Variants in BCAS3 observed in about 807,000 individuals in gnomAD.
The protein encoded by BCAS3 is BCAS4/BCAS3 fusion.
In BCAS3, 53 loss-of-function variants were observed where a neutral mutation model predicts 116.1. The observed-to-expected ratio is 0.46, with a 90% CI of 0.37 to 0.57. The LOEUF is 0.57. Ranked by LOEUF, BCAS3 falls within the 20% of genes least tolerant of loss-of-function variation. The probability of loss-of-function intolerance (pLI) is 0.00; values close to 1 mark genes in which losing one functional copy is unlikely to be tolerated. For synonymous variants in BCAS3, 391 were observed against 408.2 expected, an observed-to-expected ratio of 0.96 and a Z score of 0.51; for missense variants, 917 against 1,165.4, an observed-to-expected ratio of 0.79 and a Z score of 3.10.
chr17:60,927,551 G>T (rs1162776742), intron 13 of BCAS3, among the ~76,000 whole-genome samples: 1 of 152,000 alleles, frequency 6.6e-6, no homozygotes, highest in Non-Finnish European at 1.5e-5. Context: ...CACCACCCCT[G>T]GTCCTTTCCT....
chr17:61,202,855 T>A (rs1383669720), intron 22 of BCAS3, among the ~76,000 whole-genome samples: 3 of 152,164 alleles, frequency 2.0e-5, no homozygotes, highest in Non-Finnish European at 4.4e-5. Context: ...AGCCTAAATA[T>A]CTCATAGATT....
At chr17:61,370,407 T>A (rs2058986202) in intron 23 of BCAS3, among the ~76,000 whole-genome samples, 1 of 151,024 alleles carries the variant, frequency 6.6e-6, no homozygotes, top group African/African-American at 2.5e-5. Flanking sequence ...TGTTTTTTTT[T>A]AAGGCGGAGT....
chr17:61,241,301 G>T lies in BCAS3; in HGVS notation c.2426-127026G>T, dbSNP rs4968542. ...AGCCTGTTTACCACCAAGTACCCAC[G>T]TCTTCCTTTGGCTCTGTTGTCCTCT... is the stretch of plus-strand genomic sequence containing the variant. On this transcript the variant is annotated intron_variant, in intron 22 of 23. Coordinates refer to ENST00000407086, the MANE Select transcript of BCAS3 (RefSeq NM_017679.5). The surrounding 1 kb of genome is among the most constrained non-coding windows in gnomAD (Gnocchi z 4.6). Among the ~76,000 whole-genome samples, 5,635 of 152,050 alleles carry T rather than the reference G, an allele frequency of 0.037. 197 individuals are homozygous for T. Among genetic ancestry groups the T allele is most frequent in the Admixed American group, 0.096 (1,466 of 15,250 alleles).
intron 19 of BCAS3, among the ~76,000 whole-genome samples, chr17:61,058,076 G>A (rs760746984): frequency 2.6e-5 from 4 of 152,004 alleles, no homozygotes; most frequent in Non-Finnish European, 4.4e-5. Flanking sequence ...CTTTGATAGT[G>A]TATAAGCTCT....
intron 6 of BCAS3, among the ~76,000 whole-genome samples, chr17:60,799,520 GTTTGTTTTTTT>G (rs1187175677): frequency 2.6e-5 from 3 of 117,644 alleles, no homozygotes; most frequent in African/African-American, 7.4e-5. Flanking sequence ...TGAGATTAGT[GTTTGTTTTTTT>G]TTTTTTTTTT....
Position 60,830,850 on chromosome 17 carries a change from G to T in BCAS3, c.476+22774G>T, listed in dbSNP as rs1033081844. Among the ~76,000 whole-genome samples the T allele has an allele frequency of 2.5e-3, 346 of 139,596 alleles. 5 individuals carry two copies. The highest frequency in any genetic ancestry group is 2.7e-3 in the East Asian group (13 of 4,820). 91.6% of individuals were successfully genotyped at this position (139,596 alleles called of 152,430 possible). On this transcript the variant is annotated intron_variant, in intron 7 of 23. Transcript: ENST00000407086. ...TCTAGAGCCAAGATTTAATTTTTGGGTTTTTTTTTTTTTTTAAATAAACAT... is the reference window on the plus strand; with the variant it reads ...TCTAGAGCCAAGATTTAATTTTTGGTTTTTTTTTTTTTTTTAAATAAACAT...
intron 6 of BCAS3, among the ~76,000 whole-genome samples, chr17:60,779,934 G>A (rs544693981): frequency 1.3e-5 from 2 of 151,942 alleles, no homozygotes; most frequent in Admixed American, 1.3e-4. Flanking sequence ...GGAGCTTGGT[G>A]TCTATTGCAA....
intron 6 of BCAS3, among the ~76,000 whole-genome samples, chr17:60,787,852 A>G (rs953868951): frequency 2.0e-5 from 3 of 151,930 alleles, no homozygotes; most frequent in Non-Finnish European, 2.9e-5. Flanking sequence ...GTGTGGGGAA[A>G]TGTTAAGGAG....
intron 22 of BCAS3, among the ~76,000 whole-genome samples, chr17:61,123,048 T>C (rs536237524): frequency 1.3e-5 from 2 of 151,794 alleles, no homozygotes; most frequent in East Asian, 3.9e-4. Flanking sequence ...TTTAAGTGAT[T>C]CTCCTGCTTC....
rs561326271 is a variant in BCAS3, at chr17:61,235,743, A to G, written c.2426-132584A>G. On this transcript the variant is annotated intron_variant, in intron 22 of 23. Coordinates refer to ENST00000407086, the MANE Select transcript of BCAS3 (RefSeq NM_017679.5). This position sits in a 1 kb window ranked among gnomAD's most constrained non-coding sequence, Gnocchi z 5.0. Reference sequence around the variant, plus strand: ...GAAGAAGGAGAAAGAAAGACAAGGGAAAAAAATGGTTAGGGAGGCTGCAAA... The same window carrying G: ...GAAGAAGGAGAAAGAAAGACAAGGGGAAAAAATGGTTAGGGAGGCTGCAAA... Among the ~76,000 whole-genome samples, 102 of 150,784 alleles carry G rather than the reference A, an allele frequency of 6.8e-4. No individual in the cohort carries two copies. The highest frequency in any genetic ancestry group is 2.2e-3 in the Admixed American group (33 of 15,168).
At chr17:60,919,658 A>C (rs2058968692) in intron 12 of BCAS3, among the ~76,000 whole-genome samples, 1 of 150,354 alleles carries the variant, frequency 6.7e-6, no homozygotes, top group African/African-American at 2.5e-5. Context: ...TCATAGGGGA[A>C]GGCTTTTTCC....
At chr17:60,926,880 C>T (rs2059391127) in intron 13 of BCAS3, among the ~76,000 whole-genome samples, 1 of 152,200 alleles carries the variant, frequency 6.6e-6, no homozygotes, top group Admixed American at 6.5e-5. Flanking sequence ...TGTCCTCTCA[C>T]ATTTGTGTTT....
In BCAS3 at chr17:61,309,776, T is replaced by G. The variant is rs6504033; in HGVS notation, c.2426-58551T>G. The stretch of plus-strand genomic sequence containing the variant: ...GCCTGTTTATGGGTTGAGGAGGCAG[T>G]ACAGGGTGACAAGAGGGAGCCCGAG... On this transcript the variant is annotated intron_variant, in intron 22 of 23. Coordinates refer to ENST00000407086, the MANE Select transcript of BCAS3 (RefSeq NM_017679.5). This position sits in a 1 kb window ranked among gnomAD's most constrained non-coding sequence, Gnocchi z 4.6. Among the ~76,000 whole-genome samples the G allele has an allele frequency of 0.36, 55,301 of 151,932 alleles. 15,586 individuals carry two copies. The highest frequency in any genetic ancestry group is 0.79 in the African/African-American group (32,744 of 41,416).
intron 14 of BCAS3, among the ~76,000 whole-genome samples, chr17:60,958,789 T>C (rs1473509504): frequency 6.6e-6 from 1 of 152,168 alleles, no homozygotes; most frequent in East Asian, 1.9e-4. Context: ...ATATCAAGAC[T>C]TACTAAAACT....
chr17:61,111,934 AC>A (rs1484716401), intron 22 of BCAS3, among the ~76,000 whole-genome samples: 1 of 16,020 alleles, frequency 6.2e-5, no homozygotes, highest in Non-Finnish European at 4.5e-4. Flanking sequence ...CCAATATTCA[AC>A]ATTCTTAAAG....
chr17:60,865,486 A>T (rs915747972), intron 7 of BCAS3, among the ~76,000 whole-genome samples: 2 of 152,206 alleles, frequency 1.3e-5, no homozygotes, highest in Middle Eastern at 3.2e-3. Flanking sequence ...TTTTTAGTAT[A>T]CAAATCTTGC....
chr17:60,914,704 C>T lies in BCAS3; in HGVS notation c.993+4002C>T, dbSNP rs113048136. On this transcript the variant is annotated intron_variant, in intron 12 of 23. Coordinates refer to ENST00000407086, the MANE Select transcript of BCAS3 (RefSeq NM_017679.5). ...CCTCCCTGTCCTCCTCCTCCTTAGC[C>T]TACCTGTAGTGAAGACAATGAAACT... is the stretch of plus-strand genomic sequence containing the variant. Among the ~76,000 whole-genome samples, 588 of 152,286 alleles carry T rather than the reference C, an allele frequency of 3.9e-3. 3 individuals carry two copies. The highest frequency in any genetic ancestry group is 0.013 in the African/African-American group (560 of 41,554).
intron 22 of BCAS3, among the ~76,000 whole-genome samples, chr17:61,350,723 C>T (rs1447168871): frequency 1.3e-5 from 2 of 151,882 alleles, no homozygotes; most frequent in African/African-American, 4.8e-5. Flanking sequence ...GCCTCAACCT[C>T]CCAGGCTCAA....
Position 60,696,056 on chromosome 17 carries a change from A to G in BCAS3, c.214+6295A>G, listed in dbSNP as rs576637168. On this transcript the variant is annotated intron_variant, in intron 4 of 23. Coordinates refer to ENST00000407086, the MANE Select transcript of BCAS3 (RefSeq NM_017679.5). ...AGACAGTTGGTGCAGTGGTTACTCA[A>G]AGCTCTTTATTCATACCTTTATGAT... 8.5e-5 allele frequency among the ~76,000 whole-genome samples: 13 copies of G among 152,300 alleles called. 2 individuals are homozygous for G. The East Asian group carries it at 1.7e-3, about 20-fold the overall frequency.
Sources: gnomAD v4.1 joint callset for allele counts (sites outside exome capture counted in the v4.1 genomes callset) on GRCh38, gnomAD v4.1.1 for gene constraint, Gnocchi (gnomAD v3.1) non-coding constraint, MANE v1.5 for transcripts, NCBI Gene and HGNC (gene_info 2026-07-23, HGNC 2026-07-21) for gene names.